Variants in UBQLN2 observed in about 807,000 individuals in gnomAD.
UBQLN2 encodes ubiquilin 2.
In UBQLN2, 2 loss-of-function variants were observed where a neutral mutation model predicts 22.2. That is an observed-to-expected ratio of 0.09 (90% CI 0.04 to 0.28). The LOEUF is 0.28. Among genes scored for constraint, UBQLN2 ranks in the 10% least tolerant of loss-of-function variants. The pLI is 1.00. For synonymous variants in UBQLN2, 252 were observed against 206.7 expected, an observed-to-expected ratio of 1.22 and a Z score of -1.88; for missense variants, 446 against 505.1, an observed-to-expected ratio of 0.88 and a Z score of 1.12.
rs2068642324 is a variant in UBQLN2, at chrX:56,566,339, C to T, written c.*591C>T. ...TAGCAAAATGCTGTAAGATTTATAC[C>T]ATTGATCTTTTTTGCTATATTTGTA... On this transcript the variant is annotated 3_prime_UTR_variant, in exon 1 of 1. Coordinates refer to ENST00000338222, the MANE Select transcript of UBQLN2 (RefSeq NM_013444.4). The T allele has an allele frequency of 7.5e-6, 1 of 134,208 alleles. No homozygotes were observed. Among genetic ancestry groups the T allele is most frequent in the South Asian group, 2.6e-4 (1 of 3,812 alleles). 11.1% of individuals were successfully genotyped at this position (134,208 alleles called of 1,213,427 possible).
Position 56,565,782 on chromosome X carries a change from T to C in UBQLN2, c.*34T>C. ...CTGTACCTGGAAAAAAAATGTATCTTATTTTTGATAATGGCTCTTAAATCT... is the reference window on the plus strand; with the variant it reads ...CTGTACCTGGAAAAAAAATGTATCTCATTTTTGATAATGGCTCTTAAATCT... On this transcript the variant is annotated 3_prime_UTR_variant, in exon 1 of 1. Transcript: ENST00000338222. 1 of 1,105,773 alleles carries C rather than the reference T, an allele frequency of 9.0e-7. No homozygotes were observed. The highest frequency in any genetic ancestry group is 1.2e-6 in the Non-Finnish European group (1 of 811,891). The allele number at this position is 1,105,773 out of a possible 1,213,427, so 91.1% of individuals were successfully genotyped here. A position where few individuals can be genotyped will look rare whatever the true frequency, so the allele number is the denominator to read the frequency against.
At position 56,564,887 on chromosome X, in the gene UBQLN2, T is replaced by G. The variant is rs755158631; in HGVS notation, c.1014T>G (p.Thr338=). The change falls in exon 1 of 1, where the codon ACT becomes ACG. Residue 338 remains threonine, a synonymous_variant. Coordinates refer to ENST00000338222, the MANE Select transcript of UBQLN2 (RefSeq NM_013444.4). ...CAACTACCAGCACGACCACAAGCAC[T>G]GGTAGTGGGTCTGGCAATAGTTCCA... ...SSATTSTTTS[T]GSGSGNSSSN... is the part of the protein sequence containing the mutation. 4 of 1,208,990 alleles carry G rather than the reference T, an allele frequency of 3.3e-6. No individual in the cohort carries two copies. In the African/African-American group the frequency reaches 7.0e-5, roughly 21 times the overall value.
chrX:56,564,817 C>A lies in UBQLN2; in HGVS notation c.944C>A (p.Pro315Gln). 1 of 1,211,393 alleles carries A rather than the reference C, an allele frequency of 8.3e-7. No homozygotes were observed. Among genetic ancestry groups the A allele is most frequent in the Non-Finnish European group, 1.1e-6 (1 of 895,379 alleles). ...CCTTCCCGCACAGAAAATCGCGATC[C>A]ACTACCCAATCCATGGGCACCACCG... ...TQPSRTENRDPLPNPWAPPPA... is the reference protein window; with the variant it reads ...TQPSRTENRDQLPNPWAPPPA... Residue 315 changes from proline (P) to glutamine (Q), a missense_variant, in exon 1 of 1, where the codon CCA (proline) becomes CAA (glutamine). Pro to Gln is a moderately conservative substitution (Grantham distance 76). This residue lies in a region of UBQLN2 where 278 missense variants were observed against 279.4 expected (regional missense o/e 1.00). Coordinates refer to ENST00000338222, the MANE Select transcript of UBQLN2 (RefSeq NM_013444.4).
In UBQLN2 at chrX:56,564,765, A is replaced by G. The variant is rs1351790961; in HGVS notation, c.892A>G (p.Ser298Gly). ...GGNPFASVGS[S>G]SSSGEGTQPS... ...TAATCCATTTGCCTCCGTGGGGAGT[A>G]GTTCCTCCTCTGGGGAAGGTACGCA... is the stretch of plus-strand genomic sequence containing the variant. Residue 298 changes from serine to glycine, a missense_variant, in exon 1 of 1, where the codon AGT becomes GGT. Physicochemically the swap from Ser to Gly is moderately conservative, Grantham distance 56. Coordinates refer to ENST00000338222, the MANE Select transcript of UBQLN2 (RefSeq NM_013444.4). 1.7e-6 allele frequency: 2 copies of G among 1,211,447 alleles called. No individual in the cohort carries two copies. Among genetic ancestry groups the G allele is most frequent in the South Asian group, 1.8e-5 (1 of 56,930 alleles).
At position 56,567,443 on chromosome X, in the gene UBQLN2, G is replaced by A; in HGVS notation, c.*1695G>A. On this transcript the variant is annotated 3_prime_UTR_variant, in exon 1 of 1. Coordinates refer to ENST00000338222, the MANE Select transcript of UBQLN2 (RefSeq NM_013444.4). ...GGGATTCTCTTAAATTGATATGACT[G>A]TGAGGACTACAGAATTGCATTGCTT... 8.0e-6 allele frequency: 1 copy of A among 124,950 alleles called. No individual in the cohort carries two copies. 10.3% of individuals were successfully genotyped at this position (124,950 alleles called of 1,213,427 possible). A position where few individuals can be genotyped will look rare whatever the true frequency, so the allele number is the denominator to read the frequency against.
rs756545040 is a variant in UBQLN2 at position 56,565,516 on chromosome X, G to A, written c.1643G>A (p.Ser548Asn). 1 of 1,208,642 alleles carries A rather than the reference G, an allele frequency of 8.3e-7. No individual in the cohort carries two copies. The highest frequency in any genetic ancestry group is 1.1e-6 in the Non-Finnish European group (1 of 894,118). The change falls in exon 1 of 1, where the codon AGT becomes AAT. Residue 548 changes from serine (S) to asparagine (N), a missense_variant. By Grantham distance (46) the Ser-to-Asn change is conservative. Transcript: ENST00000338222. ...AGCGCTGCACCTAGTGAAACCACGA[G>A]TCCTACATCAGAATCTGGACCCAAC... ...VSSAAPSETT[S>N]PTSESGPNQQ...
rs907236133 is a variant in UBQLN2, at chrX:56,567,691, A to T, written c.*1943A>T. 1.6e-5 allele frequency: 2 copies of T among 123,254 alleles called. No homozygotes were observed. The highest frequency in any genetic ancestry group is 6.5e-5 in the African/African-American group (2 of 30,817). The allele number at this position is 123,254 out of a possible 1,213,427, so 10.2% of individuals were successfully genotyped here. A position where few individuals can be genotyped will look rare whatever the true frequency, so the allele number is the denominator to read the frequency against. The stretch of plus-strand genomic sequence containing the variant: ...ATCGATTATTTTAAATTGGCAATTT[A>T]TTGAAATCTATTAATTTTAGAGATA... On this transcript the variant is annotated 3_prime_UTR_variant, in exon 1 of 1. Coordinates refer to ENST00000338222, the MANE Select transcript of UBQLN2 (RefSeq NM_013444.4).
rs1046466830 is a variant in UBQLN2 at position 56,565,153 on chromosome X, G to A, written c.1280G>A (p.Arg427Gln). ...TANPQLQEQM[R>Q]PQLPAFLQQM... ...AATCCTCAGCTGCAGGAGCAGATGC[G>A]GCCACAGCTCCCAGCCTTCCTGCAG... The change falls in exon 1 of 1, where the codon CGG becomes CAG. Residue 427 changes from arginine to glutamine, a missense_variant. Arg to Gln is a conservative substitution (Grantham distance 43). Around this residue, in one of 3 missense-constraint regions of UBQLN2, gnomAD observed 278 missense variants for 279.4 expected, o/e 1.00. Coordinates refer to ENST00000338222, the MANE Select transcript of UBQLN2 (RefSeq NM_013444.4). The A allele has an allele frequency of 2.5e-6, 3 of 1,210,045 alleles. No homozygotes were observed. Among genetic ancestry groups the A allele is most frequent in the African/African-American group, 1.7e-5 (1 of 57,240 alleles).
In UBQLN2 at chrX:56,564,661, G is replaced by C. The variant is rs2068631881; in HGVS notation, c.788G>C (p.Gly263Ala). The C allele has an allele frequency of 8.3e-7, 1 of 1,208,615 alleles. No individual in the cohort carries two copies. Among genetic ancestry groups the C allele is most frequent in the Non-Finnish European group, 1.1e-6 (1 of 894,305 alleles). ...CTTAGCAATCTAGAAAGCATCCCAG[G>C]TGGCTATAATGCTTTACGGCGCATG... Reference protein sequence around the residue: ...LALSNLESIPGGYNALRRMYT... With the variant: ...LALSNLESIPAGYNALRRMYT... Residue 263 changes from glycine (G) to alanine (A), a missense_variant, in exon 1 of 1, where the codon GGT (glycine) becomes GCT (alanine). By Grantham distance (60) the Gly-to-Ala change is moderately conservative. Transcript: ENST00000338222.
In UBQLN2 at chrX:56,564,755, C is replaced by T. The variant is rs1237433794; in HGVS notation, c.882C>T (p.Ser294=). ...AGTTTGGGGGTAATCCATTTGCCTC[C>T]GTGGGGAGTAGTTCCTCCTCTGGGG... ...QEQFGGNPFA[S]VGSSSSSGEG... The change falls in exon 1 of 1, where the codon TCC becomes TCT. Residue 294 remains serine (S), a synonymous_variant. Transcript: ENST00000338222. 9 of 1,211,451 alleles carry T rather than the reference C, an allele frequency of 7.4e-6. No homozygotes were observed. The South Asian group carries it at 1.2e-4, about 17-fold the overall frequency.
chrX:56,565,572 C>G lies in UBQLN2; in HGVS notation c.1699C>G (p.Leu567Val). ...QQFIQQMVQA[L>V]AGANAPQLPN... is the part of the protein sequence containing the mutation. ...GTTCATTCAGCAAATGGTGCAGGCC[C>G]TGGCTGGAGCAAATGCTCCACAGCT... The change falls in exon 1 of 1, where the codon CTG becomes GTG. Residue 567 changes from leucine to valine, a missense_variant. Leu to Val is a conservative substitution (Grantham distance 32). Coordinates refer to ENST00000338222, the MANE Select transcript of UBQLN2 (RefSeq NM_013444.4). The G allele has an allele frequency of 8.3e-7, 1 of 1,212,087 alleles. No individual in the cohort carries two copies. Among genetic ancestry groups the G allele is most frequent in the Non-Finnish European group, 1.1e-6 (1 of 895,567 alleles).
At position 56,565,330 on chromosome X, in the gene UBQLN2, G is replaced by C. The variant is rs1473415121; in HGVS notation, c.1457G>C (p.Gly486Ala). ...FTPGVGVGVL[G>A]TAIGPVGPVT... ...CCAGGTGTGGGGGTGGGGGTGCTGG[G>C]AACCGCTATAGGCCCTGTAGGCCCA... The change falls in exon 1 of 1, where the codon GGA becomes GCA. Residue 486 changes from glycine to alanine, a missense_variant. Gly to Ala is a moderately conservative substitution (Grantham distance 60). This residue lies in a region of UBQLN2 where 278 missense variants were observed against 279.4 expected (regional missense o/e 1.00). Coordinates refer to ENST00000338222, the MANE Select transcript of UBQLN2 (RefSeq NM_013444.4). 10 of 1,210,087 alleles carry C rather than the reference G, an allele frequency of 8.3e-6. No homozygotes were observed. The South Asian group carries it at 1.8e-4, about 21-fold the overall frequency.
rs1425310414 is a variant in UBQLN2 at position 56,567,055 on chromosome X, T to C, written c.*1307T>C. The C allele has an allele frequency of 8.1e-6, 1 of 123,510 alleles. No homozygotes were observed. The highest frequency in any genetic ancestry group is 1.9e-5 in the Non-Finnish European group (1 of 53,152). The allele number at this position is 123,510 out of a possible 1,213,427, so 10.2% of individuals were successfully genotyped here. Reference sequence around the variant, plus strand: ...TATTTCTCTAACTTATATGGTTTTATTTAGAAAATGTTTTGTCCTGTCTGG... The same window carrying C: ...TATTTCTCTAACTTATATGGTTTTACTTAGAAAATGTTTTGTCCTGTCTGG... On this transcript the variant is annotated 3_prime_UTR_variant, in exon 1 of 1. Transcript: ENST00000338222.
In UBQLN2 at chrX:56,564,009, T is replaced by A; in HGVS notation, c.136T>A (p.Phe46Ile). Residue 46 changes from phenylalanine (F) to isoleucine (I), a missense_variant, in exon 1 of 1, where the codon TTC (phenylalanine) becomes ATC (isoleucine). Physicochemically the swap from Phe to Ile is conservative, Grantham distance 21 (BLOSUM62 0). This residue lies in a region of UBQLN2 where 129 missense variants were observed against 198.1 expected (regional missense o/e 0.65). Transcript: ENST00000338222. ...TVKTPKEKEE[F>I]AVPENSSVQQ... ...GAAGACTCCCAAAGAGAAAGAGGAG[T>A]TCGCGGTGCCCGAGAACAGCTCGGT... 1 of 1,176,437 alleles carries A rather than the reference T, an allele frequency of 8.5e-7. No homozygotes were observed. The highest frequency in any genetic ancestry group is 1.1e-6 in the Non-Finnish European group (1 of 877,322).
Position 56,564,881 on chromosome X carries a change from A to C in UBQLN2, c.1008A>C (p.Thr336=), listed in dbSNP as rs753994528. ...GTTCTGCAACTACCAGCACGACCAC[A>C]AGCACTGGTAGTGGGTCTGGCAATA... The part of the protein sequence containing the change: ...TQSSATTSTT[T]STGSGSGNSS... The change falls in exon 1 of 1, where the codon ACA becomes ACC. Residue 336 remains threonine (T), a synonymous_variant. Transcript: ENST00000338222. 8.3e-6 allele frequency: 10 copies of C among 1,210,904 alleles called. No individual in the cohort carries two copies. Among genetic ancestry groups the C allele is most frequent in the Non-Finnish European group, 1.0e-5 (9 of 895,179 alleles).
In UBQLN2 at chrX:56,563,687, C is replaced by A. The variant is rs1335676483; in HGVS notation, c.-187C>A. 5.4e-6 allele frequency: 2 copies of A among 373,683 alleles called. No homozygotes were observed. The highest frequency in any genetic ancestry group is 4.4e-5 in the East Asian group (1 of 22,928). The allele number at this position is 373,683 out of a possible 1,213,427, so 30.8% of individuals were successfully genotyped here. ...CGCGGAGACCTCAGCCAGCGGCCTA[C>A]GCCCAGGCCTTTCTCCACCGGAGGA... On this transcript the variant is annotated 5_prime_UTR_variant, in exon 1 of 1. Transcript: ENST00000338222.
In UBQLN2 at chrX:56,563,773, C is replaced by A; in HGVS notation, c.-101C>A. 1 of 664,055 alleles carries A rather than the reference C, an allele frequency of 1.5e-6. No individual in the cohort carries two copies. Among genetic ancestry groups the A allele is most frequent in the Middle Eastern group, 5.1e-4 (1 of 1,950 alleles). The allele number at this position is 664,055 out of a possible 1,213,427, so 54.7% of individuals were successfully genotyped here. On this transcript the variant is annotated 5_prime_UTR_variant, in exon 1 of 1. Coordinates refer to ENST00000338222, the MANE Select transcript of UBQLN2 (RefSeq NM_013444.4). The stretch of plus-strand genomic sequence containing the variant: ...GCTCCGCGCTCCCCGCCTGACCCGG[C>A]CCAGCCCGCTGCGGCGGTGCCTCCT...
At position 56,566,999 on chromosome X, in the gene UBQLN2, C is replaced by T. The variant is rs1317761045; in HGVS notation, c.*1251C>T. On this transcript the variant is annotated 3_prime_UTR_variant, in exon 1 of 1. Coordinates refer to ENST00000338222, the MANE Select transcript of UBQLN2 (RefSeq NM_013444.4). ...CTAGGATCGTGTTTAGGAGGATTAT[C>T]CCACCCCGAGATTATATAAATCTTA... 1 of 122,553 alleles carries T rather than the reference C, an allele frequency of 8.2e-6. No homozygotes were observed. Among genetic ancestry groups the T allele is most frequent in the Non-Finnish European group, 1.9e-5 (1 of 52,954 alleles). The allele number at this position is 122,553 out of a possible 1,213,427, so 10.1% of individuals were successfully genotyped here.
Position 56,563,658 on chromosome X carries a change from G to C in UBQLN2, c.-216G>C. 2 of 340,915 alleles carry C rather than the reference G, an allele frequency of 5.9e-6. No individual in the cohort carries two copies. Among genetic ancestry groups the C allele is most frequent in the Non-Finnish European group, 1.0e-5 (2 of 199,501 alleles). The allele number at this position is 340,915 out of a possible 1,213,427, so 28.1% of individuals were successfully genotyped here. On this transcript the variant is annotated 5_prime_UTR_variant, in exon 1 of 1. Transcript: ENST00000338222. ...CGGCGGCGGAGGAGGCCCAGAGACC[G>C]GAGCGCGGAGACCTCAGCCAGCGGC...
Sources: gnomAD v4.1 joint callset for allele counts on GRCh38, gnomAD v4.1.1 for gene constraint, gnomAD v4.1.1 regional missense constraint, MANE v1.5 for transcripts, NCBI Gene and HGNC (gene_info 2026-07-23, HGNC 2026-07-21) for gene names.